The following SLC44A5 variants were observed in gnomAD, a reference collection of about 807,000 sequenced individuals.
The protein encoded by SLC44A5 is choline transporter-like protein 5.
SLC44A5 carries 57 observed loss-of-function variants against 101.8 expected under a neutral mutation model. The ratio of observed to expected loss-of-function variants is 0.56; its 90% confidence interval spans 0.45 to 0.70. SLC44A5 has a LOEUF of 0.70. Among genes scored for constraint, SLC44A5 ranks in the 30% least tolerant of loss-of-function variants. The probability of loss-of-function intolerance (pLI) is 0.00; values close to 1 mark genes in which losing one functional copy is unlikely to be tolerated. For missense variants in SLC44A5, 737 were observed against 853.1 expected, an observed-to-expected ratio of 0.86 and a Z score of 1.70; for synonymous variants, 281 against 290.9, an observed-to-expected ratio of 0.97 and a Z score of 0.35.
At chr1:75,704,320 TAAC>T in the SLC44A5 span, among the ~76,000 whole-genome samples, 3 of 152,070 alleles carry the variant, frequency 2.0e-5, no homozygotes, top group Non-Finnish European at 4.4e-5. Context: ...AAGCTCTCTT[TAAC>T]AACAGGAAAA....
At chr1:75,258,069 G>A (rs1350305494) in intron 6 of SLC44A5, among the ~76,000 whole-genome samples, 2 of 152,114 alleles carry the variant, frequency 1.3e-5, no homozygotes, top group Admixed American at 1.3e-4. Context: ...ATTCACTCCA[G>A]GGCCCACTCC....
the SLC44A5 span, among the ~76,000 whole-genome samples, chr1:75,669,770 T>C: frequency 6.6e-6 from 1 of 152,098 alleles, no homozygotes; most frequent in East Asian, 1.9e-4. Context: ...AATAAAATAC[T>C]TGAGCAATTT....
At chr1:75,455,446 T>C (rs1478220436) in intron 2 of SLC44A5, among the ~76,000 whole-genome samples, 1 of 152,110 alleles carries the variant, frequency 6.6e-6, no homozygotes, top group Non-Finnish European at 1.5e-5. Context: ...ATTCTGGACA[T>C]TGGCCTTGAG....
the SLC44A5 span, among the ~76,000 whole-genome samples, chr1:75,718,294 G>A: frequency 2.0e-5 from 3 of 152,178 alleles, no homozygotes; most frequent in Non-Finnish European, 4.4e-5. Context: ...TCAGAGGGTA[G>A]AGTAGAAGAT....
chr1:75,349,330 C>G (rs1461740835), intron 3 of SLC44A5, among the ~76,000 whole-genome samples: 1 of 152,020 alleles, frequency 6.6e-6, no homozygotes, highest in Non-Finnish European at 1.5e-5. Context: ...CAGAGCGAGA[C>G]TCCATCTCAA....
At chr1:75,666,716 C>A in the SLC44A5 span, among the ~76,000 whole-genome samples, 1 of 152,302 alleles carries the variant, frequency 6.6e-6, no homozygotes, top group African/African-American at 2.4e-5. Context: ...CTGAATCCAG[C>A]AGCCCATCAA....
chr1:75,527,970 G>T (rs1430181772), intron 2 of SLC44A5, among the ~76,000 whole-genome samples: 1 of 152,170 alleles, frequency 6.6e-6, no homozygotes, highest in Non-Finnish European at 1.5e-5. Context: ...AACTTGACAT[G>T]CATTATGTGT....
Position 75,238,895 on chromosome 1 carries a change from A to G in SLC44A5, c.533-259T>C, listed in dbSNP as rs17096518. Among the ~76,000 whole-genome samples, 741 of 152,240 alleles carry G rather than the reference A, an allele frequency of 4.9e-3. 12 individuals are homozygous for G. The highest frequency in any genetic ancestry group is 0.017 in the African/African-American group (691 of 41,562). On this transcript the variant is annotated intron_variant, in intron 9 of 23. Transcript: ENST00000370859. ...TCTGGTATATTCATCAAGTCATCATAAATAAAATGTACATCACAGGTTTTA... is the reference window on the plus strand; with the variant it reads ...TCTGGTATATTCATCAAGTCATCATGAATAAAATGTACATCACAGGTTTTA...
chr1:75,580,467 T>C (rs1421380060), intron 1 of SLC44A5, among the ~76,000 whole-genome samples: 5 of 152,198 alleles, frequency 3.3e-5, no homozygotes, highest in Admixed American at 3.3e-4. Flanking sequence ...AAGTACCACA[T>C]ACAAACAAGT....
intron 2 of SLC44A5, among the ~76,000 whole-genome samples, chr1:75,499,300 A>G: frequency 6.6e-6 from 1 of 152,238 alleles, no homozygotes; most frequent in South Asian, 2.1e-4. Flanking sequence ...ATCAGGCATT[A>G]GATTATCATA....
intron 4 of SLC44A5, among the ~76,000 whole-genome samples, chr1:75,336,869 C>T (rs1466941090): frequency 6.6e-6 from 1 of 152,120 alleles, no homozygotes; most frequent in East Asian, 1.9e-4. Context: ...AGGTGTATTC[C>T]ATGAGACCTA....
chr1:75,214,648 A>T lies in SLC44A5; in HGVS notation c.1759T>A (p.Ser587Thr). Reference sequence around the variant, plus strand: ...AGCAGATTGAAAGCATCTTTTGCTGACCTGCAGAAGTTTCTGCCATATATT... The same window carrying T: ...AGCAGATTGAAAGCATCTTTTGCTGTCCTGCAGAAGTTTCTGCCATATATT... ...IAIYGRNFCRSAKDAFNLLMR... is the reference protein window; with the variant it reads ...IAIYGRNFCRTAKDAFNLLMR... Residue 587 changes from serine (S) to threonine (T), a missense_variant, in exon 20 of 24, where the codon TCA (serine) becomes ACA (threonine). Physicochemically the swap from Ser to Thr is moderately conservative, Grantham distance 58. Coordinates refer to ENST00000370859, the MANE Select transcript of SLC44A5 (RefSeq NM_001130058.2). The T allele has an allele frequency of 6.2e-7, 1 of 1,611,754 alleles. No homozygotes were observed. Among genetic ancestry groups the T allele is most frequent in the Non-Finnish European group, 8.5e-7 (1 of 1,178,822 alleles).
chr1:75,613,934 T>C (rs1191571602), upstream of SLC44A5, among the ~76,000 whole-genome samples: 1 of 152,254 alleles, frequency 6.6e-6, no homozygotes, highest in African/African-American at 2.4e-5. Context: ...TTTGTGCTTC[T>C]GCCAAGATTA....
chr1:75,414,290 CAT>C (rs1663478980), intron 2 of SLC44A5, among the ~76,000 whole-genome samples: 2 of 63,762 alleles, frequency 3.1e-5, no homozygotes, highest in African/African-American at 7.1e-5. Flanking sequence ...TATATACATA[CAT>C]ACATACATAC....
the SLC44A5 span, among the ~76,000 whole-genome samples, chr1:75,625,155 C>A: frequency 6.6e-6 from 1 of 152,136 alleles, no homozygotes; most frequent in Non-Finnish European, 1.5e-5. Flanking sequence ...CTAGGACTTT[C>A]TACTTTTCAT....
chr1:75,665,834 G>A, the SLC44A5 span, among the ~76,000 whole-genome samples: 1 of 152,044 alleles, frequency 6.6e-6, no homozygotes, highest in Non-Finnish European at 1.5e-5. Context: ...TCTGAAAAGA[G>A]GATATATGAG....
chr1:75,610,164 C>CACACAT, intron 1 of SLC44A5, among the ~76,000 whole-genome samples: 1 of 146,476 alleles, frequency 6.8e-6, no homozygotes, highest in Non-Finnish European at 1.5e-5. Flanking sequence ...CACACACACA[C>CACACAT]ACACACACAC....
rs559523074 is a variant in SLC44A5, at chr1:75,241,924, A to C, written c.532+77T>G. ...ACCATTCTTGGCCTCAGTCTCATCA[A>C]TTGTGAAATACGGGAACTTAATTAA... On this transcript the variant is annotated intron_variant, in intron 9 of 23. Transcript: ENST00000370859. 1.5e-5 allele frequency: 20 copies of C among 1,298,970 alleles called. No homozygotes were observed. The East Asian group carries it at 4.4e-4, about 29-fold the overall frequency. 80.5% of individuals were successfully genotyped at this position (1,298,970 alleles called of 1,614,324 possible). A position where few individuals can be genotyped will look rare whatever the true frequency, so the allele number is the denominator to read the frequency against.
the SLC44A5 span, among the ~76,000 whole-genome samples, chr1:75,670,189 A>G: frequency 6.6e-6 from 1 of 152,194 alleles, no homozygotes; most frequent in African/African-American, 2.4e-5. Flanking sequence ...GAACCTGTAA[A>G]TAACAGAAAA....
Sources: gnomAD v4.1 joint callset for allele counts (sites outside exome capture counted in the v4.1 genomes callset) on GRCh38, gnomAD v4.1.1 for gene constraint, MANE v1.5 for transcripts, NCBI Gene and HGNC (gene_info 2026-07-23, HGNC 2026-07-21) for gene names.